Variants in MARCHF10 observed in about 807,000 individuals in gnomAD.
The protein encoded by MARCHF10 is membrane associated ring-CH-type finger 10, also known as probable E3 ubiquitin-protein ligase MARCHF10.
In MARCHF10, 64 loss-of-function variants were observed where a neutral mutation model predicts 76.2. The observed-to-expected ratio is 0.84, with a 90% CI of 0.69 to 1.03. The LOEUF (loss-of-function observed/expected upper bound fraction) is 1.03, where lower values mean the gene tolerates loss of function less well. Ranked by LOEUF, MARCHF10 falls within the 50% of genes least tolerant of loss-of-function variation. The probability of loss-of-function intolerance (pLI) is 0.00; values close to 1 mark genes in which losing one functional copy is unlikely to be tolerated. For missense variants in MARCHF10, 875 were observed against 958.0 expected, an observed-to-expected ratio of 0.91 and a Z score of 1.14; for synonymous variants, 340 against 357.5, an observed-to-expected ratio of 0.95 and a Z score of 0.55.
intron 10 of MARCHF10, chr17:62,703,310 A>C (rs1443706512): frequency 6.6e-6 from 1 of 152,298 alleles, no homozygotes; most frequent in Non-Finnish European, 1.5e-5. Context: ...GCTGTGACTC[A>C]CCTCCGGCAA....
intron 4 of MARCHF10, among the ~76,000 whole-genome samples, chr17:62,755,986 T>G (rs1264658891): frequency 2.0e-5 from 3 of 151,940 alleles, no homozygotes; most frequent in Admixed American, 1.3e-4. Context: ...TGGTGGCTCA[T>G]GCCTGTAACC....
intron 9 of MARCHF10, among the ~76,000 whole-genome samples, chr17:62,709,121 A>G (rs2089768010): frequency 6.6e-6 from 1 of 152,122 alleles, no homozygotes; most frequent in African/African-American, 2.4e-5. Context: ...TCTTTCCCTG[A>G]TCCTCATCTC....
chr17:62,771,574 ATTT>A (rs1207861655), intron 3 of MARCHF10, among the ~76,000 whole-genome samples: 1 of 126,270 alleles, frequency 7.9e-6, no homozygotes, highest in Non-Finnish European at 1.6e-5. Flanking sequence ...GTCAATATCT[ATTT>A]TTTTTTTTTT....
chr17:62,803,660 C>T (rs950256616), intron 1 of MARCHF10, among the ~76,000 whole-genome samples: 1 of 152,158 alleles, frequency 6.6e-6, no homozygotes, highest in Admixed American at 6.5e-5. Flanking sequence ...GCTGGGATTA[C>T]AGGCACGTGC....
At chr17:62,744,921 T>C (rs1332768038) in intron 4 of MARCHF10, among the ~76,000 whole-genome samples, 1 of 146,548 alleles carries the variant, frequency 6.8e-6, no homozygotes. Flanking sequence ...GGAGAATTGC[T>C]TGAACCTGGG....
chr17:62,766,751 T>A (rs116190159), intron 3 of MARCHF10, among the ~76,000 whole-genome samples: 4 of 152,176 alleles, frequency 2.6e-5, no homozygotes, highest in Admixed American at 2.6e-4. Flanking sequence ...TCATTAAACA[T>A]GGAAGTCAAT....
At position 62,738,449 on chromosome 17, in the gene MARCHF10, T is replaced by G. The variant is rs2091379650; in HGVS notation, c.536-1117A>C. ...CACTTACCTTTATTCCCTCCTGACA[T>G]CGGCCTCCCCCCGCTTTGTTCTCCT... On this transcript the variant is annotated intron_variant, in intron 5 of 10. Transcript: ENST00000311269. The surrounding 1 kb of genome is among the most constrained non-coding windows in gnomAD (Gnocchi z 4.0). Among the ~76,000 whole-genome samples the G allele has an allele frequency of 6.6e-6, 1 of 152,148 alleles. No individual in the cohort carries two copies. Among genetic ancestry groups the G allele is most frequent in the Non-Finnish European group, 1.5e-5 (1 of 68,040 alleles).
intron 3 of MARCHF10, among the ~76,000 whole-genome samples, chr17:62,782,590 C>T (rs1206448959): frequency 2.6e-5 from 4 of 152,018 alleles, no homozygotes; most frequent in Admixed American, 2.0e-4. Flanking sequence ...TTGTGATCGC[C>T]GGCCTTGGAC....
chr17:62,800,281 A>G (rs1487657171), intron 2 of MARCHF10, among the ~76,000 whole-genome samples: 1 of 152,234 alleles, frequency 6.6e-6, no homozygotes, highest in Admixed American at 6.5e-5. Flanking sequence ...TTCTTCAACA[A>G]GGACCATAAA....
rs55902229 is a variant in MARCHF10, at chr17:62,738,060, T to TCACACA, written c.536-734_536-729dup. 0.099 allele frequency: 12,621 copies of TCACACA among 127,282 alleles called. 700 individuals are homozygous for TCACACA. The highest frequency in any genetic ancestry group is 0.13 in the Middle Eastern group (36 of 268). 7.9% of individuals were successfully genotyped at this position (127,282 alleles called of 1,614,324 possible). The stretch of plus-strand genomic sequence containing the variant: ...AACTGTCTCTCTCTGTCTCTCTCTG[T>TCACACA]CACACACACACACACACACACACAC... On this transcript the variant is annotated intron_variant, in intron 5 of 10. Transcript: ENST00000311269. The surrounding 1 kb of genome is among the most constrained non-coding windows in gnomAD (Gnocchi z 4.0).
intron 8 of MARCHF10, among the ~76,000 whole-genome samples, chr17:62,719,377 T>C (rs936480004): frequency 6.6e-6 from 1 of 152,204 alleles, no homozygotes; most frequent in African/African-American, 2.4e-5. Context: ...TATTTCTCCT[T>C]TGCTCTTGAA....
chr17:62,759,804 T>A (rs148291405), intron 4 of MARCHF10, 31 bp downstream of exon 4: 2 of 1,604,462 alleles, frequency 1.2e-6, no homozygotes, highest in East Asian at 4.5e-5. Flanking sequence ...GGATTTTAGA[T>A]CTGATGAATT....
intron 8 of MARCHF10, among the ~76,000 whole-genome samples, chr17:62,720,604 CT>C (rs138186844): frequency 0.29 from 44,090 of 152,088 alleles, 6,804 homozygotes; most frequent in Non-Finnish European, 0.35. Context: ...AAAATGGTTA[CT>C]TTCCCCCTCC....
At chr17:62,748,382 C>T (rs189677463) in intron 4 of MARCHF10, among the ~76,000 whole-genome samples, 8 of 150,940 alleles carry the variant, frequency 5.3e-5, no homozygotes, top group South Asian at 4.2e-4. Context: ...CCAGGCCGGG[C>T]GACAGTGCAA....
chr17:62,784,229 C>T lies in MARCHF10; in HGVS notation c.210+4251G>A, dbSNP rs190694604. On this transcript the variant is annotated intron_variant, in intron 3 of 10. Coordinates refer to ENST00000311269, the MANE Select transcript of MARCHF10 (RefSeq NM_152598.4). ...GCAAGGCTGGTTCAACATAGCAAAT[C>T]AATAAATGTAATCCATCACATAAAC... Among the ~76,000 whole-genome samples the T allele has an allele frequency of 5.3e-3, 812 of 152,306 alleles. 3 individuals are homozygous for T. Among genetic ancestry groups the T allele is most frequent in the Non-Finnish European group, 8.0e-3 (541 of 68,026 alleles).
At chr17:62,734,523 G>A in intron 6 of MARCHF10, among the ~76,000 whole-genome samples, 1 of 152,130 alleles carries the variant, frequency 6.6e-6, no homozygotes, top group Non-Finnish European at 1.5e-5. Context: ...ACATGTGATT[G>A]AGAAATAGGA....
chr17:62,778,633 G>C (rs1030038602), intron 3 of MARCHF10, among the ~76,000 whole-genome samples: 1 of 146,412 alleles, frequency 6.8e-6, no homozygotes, highest in African/African-American at 2.5e-5. Context: ...AGAAGGGTGA[G>C]GATCACGCCA....
chr17:62,722,945 T>C (rs2090563797), intron 7 of MARCHF10, among the ~76,000 whole-genome samples: 1 of 151,484 alleles, frequency 6.6e-6, no homozygotes, highest in Non-Finnish European at 1.5e-5. Context: ...AAAGAGTGAC[T>C]ATTCAGCTTT....
At chr17:62,761,768 GA>G (rs2092210070) in intron 3 of MARCHF10, among the ~76,000 whole-genome samples, 1 of 152,272 alleles carries the variant, frequency 6.6e-6, no homozygotes, top group East Asian at 1.9e-4. Flanking sequence ...TCTATTCTCA[GA>G]AAAGAAAATG....
Sources: gnomAD v4.1 joint callset for allele counts (sites outside exome capture counted in the v4.1 genomes callset) on GRCh38, gnomAD v4.1.1 for gene constraint, Gnocchi (gnomAD v3.1) non-coding constraint, MANE v1.5 for transcripts, NCBI Gene and HGNC (gene_info 2026-07-23, HGNC 2026-07-21) for gene names.